The following SMAD2 variants were observed in gnomAD, a reference collection of about 807,000 sequenced individuals.
SMAD2 encodes SMAD family member 2.
Under a neutral mutation model 64.4 loss-of-function variants are expected in SMAD2, and 8 were observed. The observed-to-expected ratio is 0.12, with a 90% CI of 0.07 to 0.22. The LOEUF (loss-of-function observed/expected upper bound fraction) is 0.22. Among genes scored for constraint, SMAD2 ranks in the 10% least tolerant of loss-of-function variants. The probability of loss-of-function intolerance (pLI) is 1.00; values close to 1 mark genes in which losing one functional copy is unlikely to be tolerated. For missense variants in SMAD2, 289 were observed against 561.2 expected, an observed-to-expected ratio of 0.51 and a Z score of 4.90; for synonymous variants, 203 against 195.8, an observed-to-expected ratio of 1.04 and a Z score of -0.31.
chr18:47,870,708 T>C (rs377245886), intron 2 of SMAD2, 144 bp from the exon 3 acceptor site: 18 of 703,212 alleles, frequency 2.6e-5, no homozygotes, highest in Admixed American at 6.0e-5. Context: ...CACAGGCATG[T>C]AGTGCTGGTT....
In SMAD2 at chr18:47,827,660, T is replaced by C. The variant is rs1217623169; in HGVS notation, c.*14167A>G. On this transcript the variant is annotated 3_prime_UTR_variant, in exon 11 of 11. Transcript: ENST00000262160. Reference sequence around the variant, plus strand: ...CACGCCTGACTGGTTTTTGTATTTTTTGGTGGAGACGGGGTTTCGCCGTGT... The same window carrying C: ...CACGCCTGACTGGTTTTTGTATTTTCTGGTGGAGACGGGGTTTCGCCGTGT... 6.3e-6 allele frequency: 1 copy of C among 157,670 alleles called. No homozygotes were observed. The highest frequency in any genetic ancestry group is 1.4e-5 in the Non-Finnish European group (1 of 72,026). The allele number at this position is 157,670 out of a possible 1,614,324, so 9.8% of individuals were successfully genotyped here.
intron 2 of SMAD2, chr18:47,895,708 TG>T (rs1350545553): frequency 1.3e-5 from 2 of 152,236 alleles, no homozygotes; most frequent in Non-Finnish European, 2.9e-5. Context: ...CTAGACAGGC[TG>T]CACTGGTGTT....
chr18:47,874,934 T>C (rs1445863035), intron 2 of SMAD2, among the ~76,000 whole-genome samples: 2 of 152,140 alleles, frequency 1.3e-5, no homozygotes, highest in African/African-American at 4.8e-5. Flanking sequence ...GAGAATAAAA[T>C]GCAAGTCAAT....
rs933004056 is a variant in SMAD2, at chr18:47,830,131, A to G, written c.*11696T>C. ...ACGATGTACATTTTTAAATGTGGTG[A>G]TAACACGTTATTATTCATGATTTAA... On this transcript the variant is annotated 3_prime_UTR_variant, in exon 11 of 11. Transcript: ENST00000262160. 6.6e-6 allele frequency: 1 copy of G among 152,246 alleles called. No homozygotes were observed. Among genetic ancestry groups the G allele is most frequent in the African/African-American group, 2.4e-5 (1 of 41,470 alleles). 9.4% of individuals were successfully genotyped at this position (152,246 alleles called of 1,614,324 possible).
chr18:47,868,998 A>T (rs971141089), intron 4 of SMAD2, among the ~76,000 whole-genome samples: 7 of 152,206 alleles, frequency 4.6e-5, no homozygotes, highest in African/African-American at 1.7e-4. Context: ...CAGACTGCCA[A>T]TCTACAGGAT....
rs866452087 is a variant in SMAD2, at chr18:47,903,878, G to T, written c.-53-7069C>A. 1.0e-3 allele frequency among the ~76,000 whole-genome samples: 129 copies of T among 126,322 alleles called. 3 individuals are homozygous for T. Among genetic ancestry groups the T allele is most frequent in the African/African-American group, 3.6e-3 (98 of 27,312 alleles). 82.9% of individuals were successfully genotyped at this position (126,322 alleles called of 152,430 possible). On this transcript the variant is annotated intron_variant, in intron 1 of 10. Coordinates refer to ENST00000262160, the MANE Select transcript of SMAD2 (RefSeq NM_005901.6). ...ACACAAAGAGGGAAAAAACAGTGTG[G>T]GGGGGGGGGGGACTCAGAATATCCA... is the stretch of plus-strand genomic sequence containing the variant.
chr18:47,843,014 T>C (rs1360206852), intron 10 of SMAD2, among the ~76,000 whole-genome samples: 1 of 152,234 alleles, frequency 6.6e-6, no homozygotes, highest in South Asian at 2.1e-4. Flanking sequence ...CAACACATGT[T>C]CAATGTAATT....
intron 2 of SMAD2, chr18:47,886,771 C>G (rs1221766924): frequency 6.3e-6 from 1 of 158,600 alleles, no homozygotes; most frequent in Non-Finnish European, 1.4e-5. Context: ...CCATCATAAC[C>G]CAAAGTCAGA....
rs1598726601 is a variant in SMAD2 at position 47,829,859 on chromosome 18, A to G, written c.*11968T>C. 6.6e-6 allele frequency: 1 copy of G among 152,360 alleles called. No individual in the cohort carries two copies. The highest frequency in any genetic ancestry group is 1.5e-5 in the Non-Finnish European group (1 of 68,030). 9.4% of individuals were successfully genotyped at this position (152,360 alleles called of 1,614,324 possible). On this transcript the variant is annotated 3_prime_UTR_variant, in exon 11 of 11. Transcript: ENST00000262160. ...CCGAAATGATAAAGAACAGGAAAATAATGACTAAGCTAACAACCAAACTTT... is the reference window on the plus strand; with the variant it reads ...CCGAAATGATAAAGAACAGGAAAATGATGACTAAGCTAACAACCAAACTTT...
At chr18:47,879,178 T>C (rs948714423) in intron 2 of SMAD2, among the ~76,000 whole-genome samples, 1 of 152,184 alleles carries the variant, frequency 6.6e-6, no homozygotes. Context: ...AGAATGCACA[T>C]AACTAGAGTT....
chr18:47,855,082 A>G (rs1196215161), intron 6 of SMAD2, among the ~76,000 whole-genome samples: 1 of 152,164 alleles, frequency 6.6e-6, no homozygotes, highest in East Asian at 1.9e-4. Flanking sequence ...CCAGAATGTC[A>G]TATATAGTAA....
intron 7 of SMAD2, among the ~76,000 whole-genome samples, chr18:47,850,207 T>TATATATGTATAATATA (rs1491452591): frequency 2.2e-5 from 2 of 91,982 alleles, no homozygotes; most frequent in African/African-American, 8.4e-5. Context: ...TATATATATA[T>TATATATGTATAATATA]TATTATATAT....
intron 2 of SMAD2, among the ~76,000 whole-genome samples, chr18:47,887,800 G>A (rs1440856407): frequency 1.3e-5 from 2 of 152,154 alleles, no homozygotes; most frequent in African/African-American, 4.8e-5. Flanking sequence ...AACCTCAGCA[G>A]ACACATGTCA....
chr18:47,910,171 GA>G (rs34177639), intron 1 of SMAD2, among the ~76,000 whole-genome samples: 75,320 of 141,146 alleles, frequency 0.53, 19,794 homozygotes, highest in East Asian at 0.79. Flanking sequence ...TGTGGATATG[GA>G]AAAAAAAAAA....
chr18:47,922,250 T>C (rs1043185732), intron 1 of SMAD2, among the ~76,000 whole-genome samples: 2 of 152,232 alleles, frequency 1.3e-5, no homozygotes, highest in South Asian at 2.1e-4. Context: ...TCAACAAAAA[T>C]ACTTTAAATA....
intron 1 of SMAD2, among the ~76,000 whole-genome samples, chr18:47,927,776 G>A (rs1229547103): frequency 6.6e-6 from 1 of 152,158 alleles, no homozygotes; most frequent in African/African-American, 2.4e-5. Context: ...GCGCATGCCT[G>A]TAATCCCAGC....
intron 2 of SMAD2, among the ~76,000 whole-genome samples, chr18:47,877,270 T>C (rs1448003206): frequency 6.6e-6 from 1 of 152,032 alleles, no homozygotes; most frequent in Non-Finnish European, 1.5e-5. Context: ...AGCAGAATAT[T>C]ATCAACAAAA....
intron 1 of SMAD2, among the ~76,000 whole-genome samples, chr18:47,899,841 CCTA>C (rs1421278580): frequency 6.6e-6 from 1 of 152,086 alleles, no homozygotes. Flanking sequence ...TGCATGTCAC[CCTA>C]CTACTAAAAA....
rs916313137 is a variant in SMAD2 at position 47,915,995 on chromosome 18, A to G, written c.-54+14366T>C. Among the ~76,000 whole-genome samples, 3 of 152,184 alleles carry G rather than the reference A, an allele frequency of 2.0e-5. No homozygotes were observed. The East Asian group carries it at 5.8e-4, about 29-fold the overall frequency. On this transcript the variant is annotated intron_variant, in intron 1 of 10. Transcript: ENST00000262160. ...TCATGAACAAGTACTAAATGTTATC[A>G]TATGCTTTCCCGTTGTCCATCAAAA...
Sources: allele counts gnomAD v4.1 joint callset (sites outside exome capture counted in the v4.1 genomes callset), GRCh38; gene constraint gnomAD v4.1.1; transcripts MANE v1.5; gene names NCBI Gene and HGNC (gene_info 2026-07-23, HGNC 2026-07-21).